CLRN3: variants seen among roughly 807,000 people sequenced by gnomAD.
CLRN3 encodes clarin-3.
In CLRN3, 12 loss-of-function variants were observed where a neutral mutation model predicts 16.7. The observed-to-expected ratio is 0.72, with a 90% CI of 0.46 to 1.16. The LOEUF is 1.16. Ranked by LOEUF, CLRN3 falls within the 50% of genes most tolerant of loss-of-function variation. CLRN3 has a pLI of 0.00. For missense variants in CLRN3, 296 were observed against 274.2 expected (o/e 1.08, Z -0.56); for synonymous variants, 118 against 113.0 (o/e 1.04, Z -0.28).
chr10:127,886,002 G>T lies in CLRN3; in HGVS notation c.230-2127C>A, dbSNP rs537903898. On this transcript the variant is annotated intron_variant, in intron 1 of 2. Transcript: ENST00000368671. ...ACTCCCAACCTCAGGTGATCTGCCC[G>T]CCTTGGCCTACCAAAGTGCTGGGAT... 1.1e-4 allele frequency among the ~76,000 whole-genome samples: 17 copies of T among 152,106 alleles called. No individual in the cohort carries two copies. In the East Asian group the frequency reaches 3.1e-3, roughly 28 times the overall value.
At chr10:127,882,517 C>G (rs1845140936) in intron 2 of CLRN3, among the ~76,000 whole-genome samples, 1 of 152,216 alleles carries the variant, frequency 6.6e-6, no homozygotes, top group South Asian at 2.1e-4. Context: ...CGATTCCAAT[C>G]ACCAGGGCTT....
Position 127,883,766 on chromosome 10 carries a change from G to C in CLRN3, c.339C>G (p.Tyr113Ter). Residue 113 changes from tyrosine to a stop codon, truncating the protein, a stop_gained, in exon 2 of 3, where the codon TAC becomes TAG. Coordinates refer to ENST00000368671, the MANE Select transcript of CLRN3 (RefSeq NM_152311.5). LOFTEE classifies it high-confidence loss of function. ...TSLLSSGFTF[Y>*]NSISNPYQTF... ...TCTGGTAAGGGTTGCTGATGCTGTTGTAGAAGGTAAACCCAGAGCTCAGCA... is the reference window on the plus strand; with the variant it reads ...TCTGGTAAGGGTTGCTGATGCTGTTCTAGAAGGTAAACCCAGAGCTCAGCA... 6.2e-7 allele frequency: 1 copy of C among 1,613,972 alleles called. No individual in the cohort carries two copies. Among genetic ancestry groups the C allele is most frequent in the Non-Finnish European group, 8.5e-7 (1 of 1,179,852 alleles).
intron 2 of CLRN3, among the ~76,000 whole-genome samples, chr10:127,880,653 A>G (rs558826853): frequency 1.3e-5 from 2 of 152,284 alleles, no homozygotes; most frequent in South Asian, 2.1e-4. Context: ...AGTGTGGTGT[A>G]GAAGGTAGGC....
At chr10:127,883,342 G>C (rs191343098) in intron 2 of CLRN3, among the ~76,000 whole-genome samples, 26 of 152,292 alleles carry the variant, frequency 1.7e-4, no homozygotes, top group Non-Finnish European at 2.2e-4. Context: ...ACATGTGTGT[G>C]CTTCTACATG....
At chr10:127,886,987 G>A (rs917008388) in intron 1 of CLRN3, among the ~76,000 whole-genome samples, 5 of 152,330 alleles carry the variant, frequency 3.3e-5, no homozygotes, top group Admixed American at 3.3e-4. Context: ...TTCTGGGTGG[G>A]TGGGATGTGG....
chr10:127,877,854 A>C lies in CLRN3; in HGVS notation c.*295T>G. On this transcript the variant is annotated 3_prime_UTR_variant, in exon 3 of 3. Coordinates refer to ENST00000368671, the MANE Select transcript of CLRN3 (RefSeq NM_152311.5). ...GAGATACTCAAAGAAAAGAAACATG[A>C]CACAGCCTTTTATTATTTCAGATCG... 2.9e-6 allele frequency: 1 copy of C among 346,556 alleles called. No homozygotes were observed. Among genetic ancestry groups the C allele is most frequent in the East Asian group, 6.1e-5 (1 of 16,506 alleles). 21.5% of individuals were successfully genotyped at this position (346,556 alleles called of 1,614,324 possible). A position where few individuals can be genotyped will look rare whatever the true frequency, so the allele number is the denominator to read the frequency against.
intron 1 of CLRN3, among the ~76,000 whole-genome samples, chr10:127,889,613 C>G (rs529766544): frequency 6.6e-6 from 1 of 152,174 alleles, no homozygotes; most frequent in South Asian, 2.1e-4. Flanking sequence ...GTGAAGCAGC[C>G]TGGGTGATGA....
In CLRN3 at chr10:127,892,687, C is replaced by T; in HGVS notation, c.98G>A (p.Trp33Ter). The T allele has an allele frequency of 1.2e-6, 2 of 1,612,356 alleles. No individual in the cohort carries two copies. The highest frequency in any genetic ancestry group is 2.2e-5 in the South Asian group (2 of 91,026). ...VICSILGTQA[W>*]ITSTIAVRDS... ...TCTAACAGCAATTGTACTGGTGATC[C>T]ATGCTTGTGTCCCAAGAATAGAGCA... The change falls in exon 1 of 3, where the codon TGG (tryptophan) becomes TAG (stop). Residue 33 changes from tryptophan (W) to a stop codon, truncating the protein, a stop_gained. Coordinates refer to ENST00000368671, the MANE Select transcript of CLRN3 (RefSeq NM_152311.5). LOFTEE classifies it high-confidence loss of function.
rs553977171 is a variant in CLRN3 at position 127,880,847 on chromosome 10, C to A, written c.410-2427G>T. Among the ~76,000 whole-genome samples, 7 of 152,276 alleles carry A rather than the reference C, an allele frequency of 4.6e-5. No homozygotes were observed. In the South Asian group the frequency reaches 1.5e-3, roughly 32 times the overall value. On this transcript the variant is annotated intron_variant, in intron 2 of 2. Coordinates refer to ENST00000368671, the MANE Select transcript of CLRN3 (RefSeq NM_152311.5). Reference sequence around the variant, plus strand: ...AGTTTGGAGCACTTCCTTCTGGCCCCAGGACTCCCAGAAGTCAGTCTGATC... The same window carrying A: ...AGTTTGGAGCACTTCCTTCTGGCCCAAGGACTCCCAGAAGTCAGTCTGATC...
chr10:127,889,212 C>A (rs985560155), intron 1 of CLRN3, among the ~76,000 whole-genome samples: 1 of 152,124 alleles, frequency 6.6e-6, no homozygotes, highest in Non-Finnish European at 1.5e-5. Context: ...ATCCCAGCTA[C>A]ACCAGAAGCT....
intron 2 of CLRN3, 94 bp from the exon 3 acceptor site, chr10:127,878,514 A>G: frequency 6.6e-7 from 1 of 1,513,014 alleles, no homozygotes; most frequent in Non-Finnish European, 8.9e-7. Context: ...AATGTATTGC[A>G]TATCTACACA....
At chr10:127,878,673 G>A (rs892272072) in intron 2 of CLRN3, among the ~76,000 whole-genome samples, 1 of 152,258 alleles carries the variant, frequency 6.6e-6, no homozygotes, top group Non-Finnish European at 1.5e-5. Context: ...AAGCAGTTGT[G>A]TAACTTGTCT....
chr10:127,888,640 C>T (rs909492945), intron 1 of CLRN3, among the ~76,000 whole-genome samples: 1 of 152,074 alleles, frequency 6.6e-6, no homozygotes, highest in Non-Finnish European at 1.5e-5. Context: ...TGGGGGAGTG[C>T]CAGATGGGGA....
intron 1 of CLRN3, 56 bp downstream of exon 1, chr10:127,892,500 T>A: frequency 1.0e-6 from 1 of 970,480 alleles, no homozygotes; most frequent in East Asian, 2.4e-5. Context: ...AAATATAGAA[T>A]GACATAAACC....
At chr10:127,884,954 C>A (rs867452630) in intron 1 of CLRN3, among the ~76,000 whole-genome samples, 8 of 152,306 alleles carry the variant, frequency 5.3e-5, no homozygotes, top group Non-Finnish European at 1.2e-4. Flanking sequence ...AGTTCCGAGT[C>A]ACAGTAAGGC....
chr10:127,892,835 A>G lies in CLRN3; in HGVS notation c.-51T>C. 9.8e-7 allele frequency: 1 copy of G among 1,020,114 alleles called. No individual in the cohort carries two copies. Among genetic ancestry groups the G allele is most frequent in the Non-Finnish European group, 1.5e-6 (1 of 658,770 alleles). 63.2% of individuals were successfully genotyped at this position (1,020,114 alleles called of 1,614,324 possible). A position where few individuals can be genotyped will look rare whatever the true frequency, so the allele number is the denominator to read the frequency against. ...GACAAAAAAAGGAATATCTTCTTAT[A>G]ACACTTTTGAACCTTATCTTTTGAA... On this transcript the variant is annotated 5_prime_UTR_variant, in exon 1 of 3. Transcript: ENST00000368671.
chr10:127,880,452 C>T (rs1180608092), intron 2 of CLRN3, among the ~76,000 whole-genome samples: 2 of 152,162 alleles, frequency 1.3e-5, no homozygotes, highest in Admixed American at 6.5e-5. Flanking sequence ...GGAAGGCTCA[C>T]GGACCCTGGC....
intron 1 of CLRN3, among the ~76,000 whole-genome samples, chr10:127,891,083 G>C (rs1282034949): frequency 6.6e-6 from 1 of 152,214 alleles, no homozygotes; most frequent in African/African-American, 2.4e-5. Flanking sequence ...TATTCTGCCT[G>C]GCTGTGCTCC....
chr10:127,878,368 G>T lies in CLRN3; in HGVS notation c.462C>A (p.Asn154Lys). 6.2e-7 allele frequency: 1 copy of T among 1,614,218 alleles called. No individual in the cohort carries two copies. The highest frequency in any genetic ancestry group is 8.5e-7 in the Non-Finnish European group (1 of 1,180,038). Reference sequence around the variant, plus strand: ...TTTGGAACAACTCTTCGGAGAGTTGGTTGGACTGCGTGTTCGCCACAAACA... The same window carrying T: ...TTTGGAACAACTCTTCGGAGAGTTGTTTGGACTGCGTGTTCGCCACAAACA... ...MILFVANTQS[N>K]QLSEELFQML... The change falls in exon 3 of 3, where the codon AAC (asparagine) becomes AAA (lysine). Residue 154 changes from asparagine to lysine, a missense_variant. Asn to Lys is a moderately conservative substitution (Grantham distance 94). Transcript: ENST00000368671.
Sources: allele counts gnomAD v4.1 joint callset (sites outside exome capture counted in the v4.1 genomes callset), GRCh38; gene constraint gnomAD v4.1.1; transcripts MANE v1.5; gene names NCBI Gene and HGNC (gene_info 2026-07-23, HGNC 2026-07-21).